ASTN2: variants seen among roughly 807,000 people sequenced by gnomAD.
The protein encoded by ASTN2 is astrotactin 2.
ASTN2 carries 54 observed loss-of-function variants against 139.8 expected under a neutral mutation model. The observed-to-expected ratio is 0.39, with a 90% CI of 0.31 to 0.48. The LOEUF is 0.48. ASTN2 is among the 20% of genes least tolerant of loss of function. The pLI, the probability that ASTN2 is intolerant of heterozygous loss-of-function variation, is 0.95. For missense variants in ASTN2, 1,565 were observed against 1,725.1 expected, an observed-to-expected ratio of 0.91 and a Z score of 1.64; for synonymous variants, 756 against 719.5, an observed-to-expected ratio of 1.05 and a Z score of -0.81.
chr9:117,315,129 A>T (rs1392450835), intron 1 of ASTN2, among the ~76,000 whole-genome samples: 3 of 151,992 alleles, frequency 2.0e-5, no homozygotes, highest in Non-Finnish European at 4.4e-5. Flanking sequence ...TAGCACCTCT[A>T]GCCTTGCTAA....
chr9:116,507,870 C>T (rs1850178266), intron 19 of ASTN2, among the ~76,000 whole-genome samples: 1 of 151,876 alleles, frequency 6.6e-6, no homozygotes, highest in African/African-American at 2.4e-5. Flanking sequence ...TCACAACTTT[C>T]TTCTTCTTCT....
chr9:117,111,837 T>G (rs1046889414), intron 4 of ASTN2, among the ~76,000 whole-genome samples: 1 of 151,958 alleles, frequency 6.6e-6, no homozygotes. Flanking sequence ...GCTTAAAGTT[T>G]GAAAGGAAGG....
At chr9:117,210,261 T>C (rs1832076152) in intron 3 of ASTN2, among the ~76,000 whole-genome samples, 1 of 152,014 alleles carries the variant, frequency 6.6e-6, no homozygotes, top group Non-Finnish European at 1.5e-5. Flanking sequence ...CACAAAGTTG[T>C]TTTTTAAAAG....
chr9:117,264,043 A>AAAAT (rs1229388820), intron 2 of ASTN2, among the ~76,000 whole-genome samples: 6 of 152,102 alleles, frequency 3.9e-5, no homozygotes, highest in Non-Finnish European at 5.9e-5. Context: ...ACCTGGTCTC[A>AAAAT]AAATAAATAA....
intron 19 of ASTN2, among the ~76,000 whole-genome samples, chr9:116,525,494 A>G (rs1320856786): frequency 6.6e-6 from 1 of 152,144 alleles, no homozygotes; most frequent in Admixed American, 6.6e-5. Flanking sequence ...GAGCCTTTGC[A>G]CCACAGATGG....
intron 16 of ASTN2, among the ~76,000 whole-genome samples, chr9:116,670,333 C>T (rs1053213742): frequency 5.2e-4 from 79 of 152,122 alleles, no homozygotes; most frequent in African/African-American, 1.9e-3. Flanking sequence ...ACAATCCCCC[C>T]GGACAAAGTG....
intron 2 of ASTN2, among the ~76,000 whole-genome samples, chr9:117,241,411 T>C (rs904822602): frequency 2.0e-5 from 3 of 152,182 alleles, no homozygotes; most frequent in African/African-American, 7.2e-5. Flanking sequence ...CAAAGACCTA[T>C]AGAGCAGCAT....
intron 10 of ASTN2, among the ~76,000 whole-genome samples, chr9:116,974,593 C>T (rs1279344763): frequency 6.8e-6 from 1 of 147,438 alleles, no homozygotes; most frequent in Non-Finnish European, 1.5e-5. Flanking sequence ...ACTGCAACTT[C>T]CGCCTCCTGG....
In ASTN2 at chr9:117,220,552, A is replaced by T. The variant is rs557161991; in HGVS notation, c.631-5810T>A. Among the ~76,000 whole-genome samples, 19 of 152,314 alleles carry T rather than the reference A, an allele frequency of 1.2e-4. 2 individuals carry two copies. The highest frequency in any genetic ancestry group is 4.6e-4 in the African/African-American group (19 of 41,570). On this transcript the variant is annotated intron_variant, in intron 2 of 22. Coordinates refer to ENST00000313400, the MANE Select transcript of ASTN2 (RefSeq NM_001365068.1). ...TGACTGGTATCCTCATAAGAACAGG[A>T]GTGGACACACAGGGAAGAAGCTCAC...
chr9:117,065,674 T>C (rs563933201), intron 5 of ASTN2, among the ~76,000 whole-genome samples: 1 of 152,244 alleles, frequency 6.6e-6, no homozygotes, highest in African/African-American at 2.4e-5. Flanking sequence ...TAAACATGAG[T>C]ATAAACAAGT....
intron 4 of ASTN2, among the ~76,000 whole-genome samples, chr9:117,117,090 A>G (rs1017068670): frequency 1.3e-4 from 20 of 152,192 alleles, no homozygotes; most frequent in Middle Eastern, 3.4e-3. Context: ...TGGTGGTGAT[A>G]ACAGTGAGGT....
At chr9:116,802,727 AG>A (rs1255733171) in intron 13 of ASTN2, among the ~76,000 whole-genome samples, 1 of 152,224 alleles carries the variant, frequency 6.6e-6, no homozygotes, top group Non-Finnish European at 1.5e-5. Context: ...TTCTGTTAAA[AG>A]CACCCCATTT....
intron 2 of ASTN2, among the ~76,000 whole-genome samples, chr9:117,224,708 G>A (rs2184543): frequency 0.29 from 43,818 of 152,172 alleles, 7,628 homozygotes; most frequent in Middle Eastern, 0.41. Context: ...AGTTAACCAC[G>A]CTGTATCCTT....
chr9:117,306,735 C>A (rs1324401980), intron 1 of ASTN2, among the ~76,000 whole-genome samples: 1 of 152,100 alleles, frequency 6.6e-6, no homozygotes, highest in African/African-American at 2.4e-5. Flanking sequence ...AGAATAGGAA[C>A]TAGGAGAAGG....
intron 17 of ASTN2, among the ~76,000 whole-genome samples, chr9:116,632,411 A>G (rs180737793): frequency 1.1e-4 from 17 of 152,168 alleles, no homozygotes; most frequent in Middle Eastern, 3.4e-3. Context: ...CCTGGCCAAT[A>G]TAGTGAGACC....
intron 10 of ASTN2, among the ~76,000 whole-genome samples, chr9:116,878,799 T>C (rs1389261984): frequency 1.3e-5 from 2 of 151,834 alleles, no homozygotes; most frequent in Non-Finnish European, 2.9e-5. Flanking sequence ...GAAAAAAAAG[T>C]TTCAGTGGCA....
chr9:117,094,023 T>G (rs1828772802), intron 5 of ASTN2, among the ~76,000 whole-genome samples: 1 of 151,778 alleles, frequency 6.6e-6, no homozygotes, highest in Non-Finnish European at 1.5e-5. Flanking sequence ...TTGTTTGGTT[T>G]GTGTCCCCAC....
At chr9:116,455,126 A>T (rs547352126) in intron 20 of ASTN2, among the ~76,000 whole-genome samples, 24 of 152,108 alleles carry the variant, frequency 1.6e-4, no homozygotes, top group Non-Finnish European at 2.8e-4. Context: ...AGGGAGGTGG[A>T]TCACCTGAGG....
chr9:117,286,692 G>A (rs1028863322), intron 2 of ASTN2, among the ~76,000 whole-genome samples: 1 of 152,148 alleles, frequency 6.6e-6, no homozygotes, highest in Non-Finnish European at 1.5e-5. Flanking sequence ...AAATCACTCA[G>A]CCTGCTTTGG....
Sources: allele counts gnomAD v4.1 joint callset (sites outside exome capture counted in the v4.1 genomes callset), GRCh38; gene constraint gnomAD v4.1.1; transcripts MANE v1.5; gene names NCBI Gene and HGNC (gene_info 2026-07-23, HGNC 2026-07-21).